The following CENPP variants were observed in gnomAD, a reference collection of about 807,000 sequenced individuals.
CENPP encodes the protein centromere protein P.
In CENPP, 24 loss-of-function variants were observed where a neutral mutation model predicts 35.6. That is an observed-to-expected ratio of 0.67 (90% CI 0.49 to 0.95). The LOEUF is 0.95. Among genes scored for constraint, CENPP ranks in the 40% least tolerant of loss-of-function variants. The pLI, the probability that CENPP is intolerant of heterozygous loss-of-function variation, is 0.00. For missense variants in CENPP, 332 were observed against 345.3 expected (o/e 0.96, Z 0.31); for synonymous variants, 120 against 125.5 (o/e 0.96, Z 0.29).
rs5899162 is a variant in CENPP, at chr9:92,486,782, ATT to A, written c.564+106939_564+106940del. Among the ~76,000 whole-genome samples the A allele has an allele frequency of 3.1e-3, 426 of 138,682 alleles. 1 individual carries two copies. Among genetic ancestry groups the A allele is most frequent in the African/African-American group, 9.4e-3 (337 of 35,732 alleles). 91.0% of individuals were successfully genotyped at this position (138,682 alleles called of 152,430 possible). On this transcript the variant is annotated intron_variant, in intron 5 of 7. Coordinates refer to ENST00000375587, the MANE Select transcript of CENPP (RefSeq NM_001012267.3). ...TGTTTATTATATTTTGCATGTGTCAATTTTTTTTTTTTTTTTTGAGACGGAGT... is the reference window on the plus strand; with the variant it reads ...TGTTTATTATATTTTGCATGTGTCAATTTTTTTTTTTTTTTGAGACGGAGT...
intron 5 of CENPP, among the ~76,000 whole-genome samples, chr9:92,520,329 C>T (rs1163173046): frequency 6.6e-6 from 1 of 151,832 alleles, no homozygotes; most frequent in Non-Finnish European, 1.5e-5. Flanking sequence ...GATATTTCTC[C>T]AAGGAAGATA....
intron 5 of CENPP, among the ~76,000 whole-genome samples, chr9:92,602,939 C>T (rs901209226): frequency 1.1e-4 from 17 of 151,816 alleles, no homozygotes; most frequent in South Asian, 6.2e-4. Context: ...TACAGATGGG[C>T]GCCACCACGC....
intron 5 of CENPP, chr9:92,495,170 A>T (rs984000388): frequency 4.2e-6 from 1 of 236,036 alleles, no homozygotes; most frequent in African/African-American, 2.3e-5. Flanking sequence ...ACTAAAGCTT[A>T]AAAAATTAGA....
intron 5 of CENPP, among the ~76,000 whole-genome samples, chr9:92,477,221 G>T (rs148614825): frequency 4.1e-4 from 62 of 152,270 alleles, no homozygotes; most frequent in African/African-American, 1.3e-3. Flanking sequence ...AATGCTGTAT[G>T]GGGTCCTGGT....
At chr9:92,532,816 G>A (rs1588245006) in intron 5 of CENPP, among the ~76,000 whole-genome samples, 1 of 151,760 alleles carries the variant, frequency 6.6e-6, no homozygotes, top group East Asian at 1.9e-4. Flanking sequence ...GTCTATTTCG[G>A]TTGTCTCTTA....
At chr9:92,611,466 T>G (rs1336573575) in intron 6 of CENPP, 73 bp downstream of exon 6, 18 of 1,214,194 alleles carry the variant, frequency 1.5e-5, no homozygotes, top group Admixed American at 2.1e-5. Flanking sequence ...ACCACCTAAG[T>G]AGGATTCTAA....
chr9:92,515,782 C>T (rs1015247066), intron 5 of CENPP, among the ~76,000 whole-genome samples: 3 of 152,172 alleles, frequency 2.0e-5, no homozygotes, highest in Non-Finnish European at 2.9e-5. Flanking sequence ...AGTTTTCCTC[C>T]TTCTCTGTCC....
At chr9:92,531,096 A>G (rs962312102) in intron 5 of CENPP, among the ~76,000 whole-genome samples, 8 of 152,088 alleles carry the variant, frequency 5.3e-5, no homozygotes, top group Admixed American at 5.2e-4. Context: ...TTGTCTTTTA[A>G]TTGGAACATT....
intron 5 of CENPP, among the ~76,000 whole-genome samples, chr9:92,450,923 G>A (rs1317839500): frequency 4.6e-5 from 7 of 152,118 alleles, no homozygotes; most frequent in Admixed American, 2.6e-4. Context: ...CATGTCGTTC[G>A]CCCACTTTTT....
rs746914731 is a variant in CENPP at position 92,332,358 on chromosome 9, ATT to A, written c.289+14_289+15del. 1 of 1,548,884 alleles carries A rather than the reference ATT, an allele frequency of 6.5e-7. No individual in the cohort carries two copies. Among genetic ancestry groups the A allele is most frequent in the Non-Finnish European group, 8.7e-7 (1 of 1,148,762 alleles). On this transcript the variant is annotated splice_region_variant and intron_variant, in intron 2 of 7. Coordinates refer to ENST00000375587, the MANE Select transcript of CENPP (RefSeq NM_001012267.3). ...ACTGAGATGACAGAAAAGAGTAAGC[ATT>A]TTTTTTAAATCTAGACATAGTATGG...
rs1044910302 is a variant in CENPP, at chr9:92,419,298, T to C, written c.564+39439T>C. Among the ~76,000 whole-genome samples the C allele has an allele frequency of 1.0e-4, 14 of 140,068 alleles. No individual in the cohort carries two copies. In the South Asian group the frequency reaches 2.7e-3, roughly 27 times the overall value. 91.9% of individuals were successfully genotyped at this position (140,068 alleles called of 152,430 possible). A position where few individuals can be genotyped will look rare whatever the true frequency, so the allele number is the denominator to read the frequency against. ...TGCTTATCTTGTATGTTGCCTTGTG[T>C]CTTTTTTTTTTTTTTTTTTTGAGAT... On this transcript the variant is annotated intron_variant, in intron 5 of 7. Coordinates refer to ENST00000375587, the MANE Select transcript of CENPP (RefSeq NM_001012267.3).
intron 5 of CENPP, among the ~76,000 whole-genome samples, chr9:92,549,559 A>G (rs2131323717): frequency 6.6e-6 from 1 of 151,942 alleles, no homozygotes; most frequent in Middle Eastern, 3.4e-3. Context: ...AGGCAGGACA[A>G]TCACTTGAAC....
Position 92,433,932 on chromosome 9 carries a change from A to G in CENPP, c.564+54073A>G, listed in dbSNP as rs189942328. Among the ~76,000 whole-genome samples, 6 of 148,322 alleles carry G rather than the reference A, an allele frequency of 4.0e-5. No individual in the cohort carries two copies. In the East Asian group the frequency reaches 1.2e-3, roughly 29 times the overall value. Reference sequence around the variant, plus strand: ...TGGGTGACAGAGCAAGACTTCATCTAAAAAAAAAAGTATACATTTTTTTAA... The same window carrying G: ...TGGGTGACAGAGCAAGACTTCATCTGAAAAAAAAAGTATACATTTTTTTAA... On this transcript the variant is annotated intron_variant, in intron 5 of 7. Coordinates refer to ENST00000375587, the MANE Select transcript of CENPP (RefSeq NM_001012267.3).
chr9:92,530,243 A>C (rs957072037), intron 5 of CENPP, among the ~76,000 whole-genome samples: 2 of 152,178 alleles, frequency 1.3e-5, no homozygotes, highest in African/African-American at 4.8e-5. Flanking sequence ...AAACCCAAGA[A>C]TACAGAGTAA....
Position 92,331,886 on chromosome 9 carries a change from T to G in CENPP, c.108-284T>G, listed in dbSNP as rs551484549. ...TCCTTTGAGCCTGGGAGTTCAAGGCTGCAGTGCACTATGATTACACCACTG... is the reference window on the plus strand; with the variant it reads ...TCCTTTGAGCCTGGGAGTTCAAGGCGGCAGTGCACTATGATTACACCACTG... On this transcript the variant is annotated intron_variant, in intron 1 of 7. Transcript: ENST00000375587. Among the ~76,000 whole-genome samples, 48 of 152,242 alleles carry G rather than the reference T, an allele frequency of 3.2e-4. No individual in the cohort carries two copies. In the South Asian group the frequency reaches 9.8e-3, roughly 31 times the overall value.
chr9:92,405,440 A>C (rs1564303486), intron 5 of CENPP, among the ~76,000 whole-genome samples: 1 of 152,274 alleles, frequency 6.6e-6, no homozygotes, highest in Admixed American at 6.5e-5. Context: ...TTTTCTAGAC[A>C]AAATTGTTTT....
At position 92,579,018 on chromosome 9, in the gene CENPP, C is replaced by T. The variant is rs1436417369; in HGVS notation, c.565-32296C>T. Reference sequence around the variant, plus strand: ...GGATCCAGTTTCAGCTTTCTACATACGGCTAGCCAGTTTTCCCAGCACCAT... The same window carrying T: ...GGATCCAGTTTCAGCTTTCTACATATGGCTAGCCAGTTTTCCCAGCACCAT... On this transcript the variant is annotated intron_variant, in intron 5 of 7. Coordinates refer to ENST00000375587, the MANE Select transcript of CENPP (RefSeq NM_001012267.3). 1.5e-3 allele frequency among the ~76,000 whole-genome samples: 230 copies of T among 151,434 alleles called. 1 individual carries two copies. Among genetic ancestry groups the T allele is most frequent in the Middle Eastern group, 0.014 (4 of 292 alleles).
chr9:92,338,206 G>A (rs952640222), intron 3 of CENPP, among the ~76,000 whole-genome samples: 9 of 152,026 alleles, frequency 5.9e-5, no homozygotes, highest in Non-Finnish European at 1.5e-5. Context: ...CAGCTACTCC[G>A]GAGGCTGAGG....
chr9:92,594,896 T>C (rs1422188969), intron 5 of CENPP, among the ~76,000 whole-genome samples: 6 of 146,580 alleles, frequency 4.1e-5, no homozygotes, highest in Admixed American at 6.8e-5. Context: ...GCTCTTCTTT[T>C]TTTTTTTTTT....
Sources: allele counts gnomAD v4.1 joint callset (sites outside exome capture counted in the v4.1 genomes callset), GRCh38; gene constraint gnomAD v4.1.1; transcripts MANE v1.5; gene names NCBI Gene and HGNC (gene_info 2026-07-23, HGNC 2026-07-21).